MMD: variants seen among roughly 807,000 people sequenced by gnomAD.
MMD encodes the protein monocyte to macrophage differentiation factor.
In MMD, 22 loss-of-function variants were observed where a neutral mutation model predicts 33.6. That is an observed-to-expected ratio of 0.66 (90% CI 0.47 to 0.94). The LOEUF is 0.94. Ranked by LOEUF, MMD falls within the 40% of genes least tolerant of loss-of-function variation. The pLI, the probability that MMD is intolerant of heterozygous loss-of-function variation, is 0.00. For missense variants in MMD, 242 were observed against 309.8 expected (o/e 0.78, Z 1.64); for synonymous variants, 97 against 103.2 (o/e 0.94, Z 0.36).
intron 1 of MMD, among the ~76,000 whole-genome samples, chr17:55,416,041 A>C (rs1469618819): frequency 6.6e-6 from 1 of 152,230 alleles, no homozygotes; most frequent in Non-Finnish European, 1.5e-5. Context: ...AAGTGTCCCA[A>C]GAATTGGAGG....
At chr17:55,421,003 G>T (rs978740054) in intron 1 of MMD, among the ~76,000 whole-genome samples, 10 of 152,154 alleles carry the variant, frequency 6.6e-5, no homozygotes, top group Non-Finnish European at 8.8e-5. Flanking sequence ...TCCACAGCAG[G>T]TCTCGCCACC....
chr17:55,406,106 AAAAACAGGC>A (rs1366837941), intron 4 of MMD, among the ~76,000 whole-genome samples: 1 of 138,984 alleles, frequency 7.2e-6, no homozygotes, highest in African/African-American at 3.4e-5. Context: ...CTTAAGTTTC[AAAAACAGGC>A]TGGGTGCGGT....
intron 4 of MMD, among the ~76,000 whole-genome samples, chr17:55,404,285 G>A (rs1907457505): frequency 6.6e-6 from 1 of 152,026 alleles, no homozygotes; most frequent in Non-Finnish European, 1.5e-5. Flanking sequence ...AGCCCGGGAG[G>A]CAGAGGTTGC....
intron 6 of MMD, among the ~76,000 whole-genome samples, chr17:55,399,344 G>T (rs567018185): frequency 6.6e-6 from 1 of 152,116 alleles, no homozygotes; most frequent in African/African-American, 2.4e-5. Flanking sequence ...CCAAAGATTC[G>T]CATTTTCATT....
At chr17:55,404,879 T>C (rs181660678) in intron 4 of MMD, 135 of 365,308 alleles carry the variant, frequency 3.7e-4, no homozygotes, top group African/African-American at 2.7e-3. Flanking sequence ...CTGGCCAACA[T>C]GGTGGAACCC....
At chr17:55,414,717 T>C (rs1907905495) in intron 1 of MMD, among the ~76,000 whole-genome samples, 1 of 152,196 alleles carries the variant, frequency 6.6e-6, no homozygotes, top group Admixed American at 6.5e-5. Flanking sequence ...TATAAAGCTT[T>C]ATATAGGCAC....
intron 4 of MMD, among the ~76,000 whole-genome samples, chr17:55,407,460 A>G (rs1907599465): frequency 6.6e-6 from 1 of 152,220 alleles, no homozygotes; most frequent in East Asian, 1.9e-4. Context: ...CAAAGGTTAC[A>G]GATTTCAAGA....
chr17:55,409,663 CA>C (rs1351915095), intron 3 of MMD, among the ~76,000 whole-genome samples: 6 of 152,050 alleles, frequency 3.9e-5, no homozygotes, highest in Admixed American at 2.0e-4. Context: ...TAATGAGGAG[CA>C]AAAATCTACA....
intron 6 of MMD, among the ~76,000 whole-genome samples, chr17:55,400,359 C>G (rs1321326845): frequency 1.3e-5 from 2 of 151,990 alleles, no homozygotes; most frequent in Non-Finnish European, 2.9e-5. Context: ...AACAGACTAG[C>G]CAACTTGGTG....
intron 6 of MMD, among the ~76,000 whole-genome samples, chr17:55,397,407 T>G: frequency 6.6e-6 from 1 of 152,196 alleles, no homozygotes; most frequent in East Asian, 1.9e-4. Context: ...GTGATCTGCC[T>G]GCCTTGGCCT....
chr17:55,402,134 G>T (rs77070199), intron 5 of MMD, among the ~76,000 whole-genome samples: 1 of 149,032 alleles, frequency 6.7e-6, no homozygotes, highest in Non-Finnish European at 1.5e-5. Flanking sequence ...AATGTTTTCT[G>T]CCAAAAGTAG....
intron 3 of MMD, among the ~76,000 whole-genome samples, chr17:55,408,572 C>T (rs1175862584): frequency 6.6e-6 from 1 of 152,152 alleles, no homozygotes; most frequent in Non-Finnish European, 1.5e-5. Context: ...TTTGTAATAT[C>T]ATCTTGAATC....
intron 1 of MMD, among the ~76,000 whole-genome samples, chr17:55,417,770 G>C (rs1399460365): frequency 6.6e-6 from 1 of 152,160 alleles, no homozygotes. Context: ...CTGCACTCCA[G>C]TCTGGGTGAC....
chr17:55,411,162 T>C lies in MMD; in HGVS notation c.269+95A>G, dbSNP rs1380531419. On this transcript the variant is annotated intron_variant, in intron 3 of 6. Coordinates refer to ENST00000262065, the MANE Select transcript of MMD (RefSeq NM_012329.3). The stretch of plus-strand genomic sequence containing the variant: ...ACAAGGCAGAAAAATGTCTACTCTT[T>C]GCCCTACTTGACTAAAGCATGCCAG... The C allele has an allele frequency of 2.2e-6, 3 of 1,360,082 alleles. No homozygotes were observed. In the African/African-American group the frequency reaches 4.4e-5, roughly 20 times the overall value. The allele number at this position is 1,360,082 out of a possible 1,614,324, so 84.3% of individuals were successfully genotyped here. A position where few individuals can be genotyped will look rare whatever the true frequency, so the allele number is the denominator to read the frequency against.
At chr17:55,420,091 G>GA in intron 1 of MMD, 2 of 152,026 alleles carry the variant, frequency 1.3e-5, no homozygotes, top group East Asian at 3.9e-4. Context: ...GGGTTTGTTT[G>GA]TTTTTTTTCT....
At chr17:55,410,616 CTGTT>C (rs1355521159) in intron 3 of MMD, among the ~76,000 whole-genome samples, 1 of 152,168 alleles carries the variant, frequency 6.6e-6, no homozygotes, top group Non-Finnish European at 1.5e-5. Context: ...TACGTGAACT[CTGTT>C]TGAATAATAT....
chr17:55,401,051 G>A (rs58419875), intron 6 of MMD, among the ~76,000 whole-genome samples: 5,715 of 152,278 alleles, frequency 0.038, 358 homozygotes, highest in African/African-American at 0.13. Flanking sequence ...ACCTATTCTG[G>A]TTCTGATTCA....
At chr17:55,396,822 G>A (rs996487998) in intron 6 of MMD, among the ~76,000 whole-genome samples, 1 of 151,644 alleles carries the variant, frequency 6.6e-6, no homozygotes. Flanking sequence ...TCATCATGTC[G>A]GTCAGGCTGG....
intron 3 of MMD, among the ~76,000 whole-genome samples, chr17:55,408,671 CA>C (rs1907648068): frequency 6.6e-6 from 1 of 152,126 alleles, no homozygotes; most frequent in African/African-American, 2.4e-5. Flanking sequence ...TTGACCAAAG[CA>C]AATAATAAAG....
Sources: allele counts gnomAD v4.1 joint callset (sites outside exome capture counted in the v4.1 genomes callset), GRCh38; gene constraint gnomAD v4.1.1; transcripts MANE v1.5; gene names NCBI Gene and HGNC (gene_info 2026-07-23, HGNC 2026-07-21).